PTPRN2: variants seen among roughly 807,000 people sequenced by gnomAD.
PTPRN2 encodes receptor-type tyrosine-protein phosphatase N2.
In PTPRN2, 74 loss-of-function variants were observed where a neutral mutation model predicts 118.8. That is an observed-to-expected ratio of 0.62 (90% CI 0.52 to 0.76). PTPRN2 has a LOEUF of 0.76. PTPRN2 is among the 30% of genes least tolerant of loss of function. PTPRN2 has a pLI of 0.00. For missense variants in PTPRN2, 1,481 were observed against 1,394.4 expected (o/e 1.06, Z -0.99); for synonymous variants, 641 against 608.0 (o/e 1.05, Z -0.80).
At chr7:158,048,935 C>T (rs1809102783) in intron 11 of PTPRN2, among the ~76,000 whole-genome samples, 1 of 134,670 alleles carries the variant, frequency 7.4e-6, no homozygotes, top group African/African-American at 2.8e-5. Flanking sequence ...CTATCACCAA[C>T]ACCATCATCA....
chr7:158,033,789 G>A (rs533849039), intron 11 of PTPRN2, among the ~76,000 whole-genome samples: 2 of 143,672 alleles, frequency 1.4e-5, no homozygotes, highest in African/African-American at 5.2e-5. Context: ...CAGCAATGCT[G>A]TGTGTGTGGC....
chr7:157,962,519 T>C (rs1017470458), intron 11 of PTPRN2, among the ~76,000 whole-genome samples: 1 of 152,252 alleles, frequency 6.6e-6, no homozygotes, highest in African/African-American at 2.4e-5. Context: ...GCTTAGTTTT[T>C]ACACTATTTA....
chr7:158,213,709 A>C (rs1024981632), intron 3 of PTPRN2, among the ~76,000 whole-genome samples: 1 of 152,202 alleles, frequency 6.6e-6, no homozygotes, highest in Non-Finnish European at 1.5e-5. Context: ...CTCAACTGAA[A>C]GCACATTTGC....
chr7:158,420,263 C>T (rs981717174), intron 2 of PTPRN2, among the ~76,000 whole-genome samples: 1 of 152,284 alleles, frequency 6.6e-6, no homozygotes, highest in South Asian at 2.1e-4. Context: ...AGACTGCCCA[C>T]CCGCGAAAAG....
At chr7:158,152,549 G>A (rs1305535320) in intron 6 of PTPRN2, among the ~76,000 whole-genome samples, 1 of 152,188 alleles carries the variant, frequency 6.6e-6, no homozygotes, top group African/African-American at 2.4e-5. Context: ...AAATGATATA[G>A]AAGTGTGAAG....
Position 157,550,933 on chromosome 7 carries a change from C to G in PTPRN2, c.2903-1914G>C, listed in dbSNP as rs1798568338. Among the ~76,000 whole-genome samples the G allele has an allele frequency of 6.6e-6, 1 of 152,166 alleles. No individual in the cohort carries two copies. The highest frequency in any genetic ancestry group is 2.4e-5 in the African/African-American group (1 of 41,416). On this transcript the variant is annotated intron_variant, in intron 21 of 22. Coordinates refer to ENST00000389418, the MANE Select transcript of PTPRN2 (RefSeq NM_002847.5). This position sits in a 1 kb window ranked among gnomAD's most constrained non-coding sequence, Gnocchi z 5.2. ...AAAGAAATCCATAAATTTAAAACAG[C>G]CTGACACAAACGGGTGAGTTTGTGA...
In PTPRN2 at chr7:158,438,813, C is replaced by G. The variant is rs760882317; in HGVS notation, c.163+50922G>C. ...ACCAGAGCCCCGGGACCTACCCCAC[C>G]TGTCTTTTCATGTAGGGCCTGGGAA... On this transcript the variant is annotated intron_variant, in intron 2 of 22. Coordinates refer to ENST00000389418, the MANE Select transcript of PTPRN2 (RefSeq NM_002847.5). This position sits in a 1 kb window ranked among gnomAD's most constrained non-coding sequence, Gnocchi z 4.7. Among the ~76,000 whole-genome samples the G allele has an allele frequency of 2.3e-4, 35 of 152,204 alleles. No individual in the cohort carries two copies. The highest frequency in any genetic ancestry group is 2.9e-5 in the Non-Finnish European group (2 of 68,036).
At chr7:157,551,717 AC>A (rs1798628331) in intron 21 of PTPRN2, among the ~76,000 whole-genome samples, 1 of 117,584 alleles carries the variant, frequency 8.5e-6, no homozygotes. Context: ...GCCACCACAC[AC>A]CCCACAGCCA....
intron 13 of PTPRN2, among the ~76,000 whole-genome samples, chr7:157,659,076 T>C (rs1795749371): frequency 6.6e-6 from 1 of 151,650 alleles, no homozygotes; most frequent in South Asian, 2.1e-4. Context: ...GCTTTAAAGA[T>C]GTCTGCCAAG....
At chr7:157,693,154 A>T (rs1391688802) in intron 12 of PTPRN2, among the ~76,000 whole-genome samples, 1 of 150,526 alleles carries the variant, frequency 6.6e-6, no homozygotes, top group African/African-American at 2.4e-5. Context: ...GAGAGAAGGG[A>T]CGGGGAGGGG....
intron 12 of PTPRN2, among the ~76,000 whole-genome samples, chr7:157,821,460 C>T (rs1806834622): frequency 6.6e-6 from 1 of 152,106 alleles, no homozygotes; most frequent in African/African-American, 2.4e-5. Context: ...GGGGAGGCCA[C>T]CATTGATGAG....
intron 15 of PTPRN2, among the ~76,000 whole-genome samples, chr7:157,604,712 C>G (rs1477165734): frequency 6.6e-6 from 1 of 152,190 alleles, no homozygotes; most frequent in Non-Finnish European, 1.5e-5. Flanking sequence ...GAAAAATGTA[C>G]TGGTGGAGAC....
At chr7:158,011,173 C>A (rs1468106909) in intron 11 of PTPRN2, among the ~76,000 whole-genome samples, 1 of 152,226 alleles carries the variant, frequency 6.6e-6, no homozygotes, top group Non-Finnish European at 1.5e-5. Flanking sequence ...CCACCTGGGT[C>A]TGTACGTCAT....
intron 2 of PTPRN2, among the ~76,000 whole-genome samples, chr7:158,343,712 G>A (rs1226719941): frequency 4.0e-5 from 6 of 151,322 alleles, no homozygotes; most frequent in East Asian, 3.9e-4. Flanking sequence ...AGCCATGCTC[G>A]TGGCACGTGG....
At position 157,875,043 on chromosome 7, in the gene PTPRN2, G is replaced by A. The variant is rs977302316; in HGVS notation, c.1788+23630C>T. Among the ~76,000 whole-genome samples the A allele has an allele frequency of 4.0e-5, 6 of 151,162 alleles. 1 individual carries two copies. The highest frequency in any genetic ancestry group is 1.9e-4 in the East Asian group (1 of 5,150). On this transcript the variant is annotated intron_variant, in intron 12 of 22. Coordinates refer to ENST00000389418, the MANE Select transcript of PTPRN2 (RefSeq NM_002847.5). ...CACAGACACACGCAGACACACACAC[G>A]CGCACACACAGACACACACACACAC...
chr7:158,297,253 G>C (rs116424550), intron 3 of PTPRN2, among the ~76,000 whole-genome samples: 10 of 152,372 alleles, frequency 6.6e-5, no homozygotes, highest in Admixed American at 5.9e-4. Flanking sequence ...CATTCAGAGA[G>C]AGCTGCTAAC....
chr7:158,400,133 A>G (rs940615200), intron 2 of PTPRN2, among the ~76,000 whole-genome samples: 3 of 152,190 alleles, frequency 2.0e-5, no homozygotes, highest in African/African-American at 7.2e-5. Flanking sequence ...GTGCTTTCTG[A>G]CAGTCTTTAG....
In PTPRN2 at chr7:157,597,796, C is replaced by G. The variant is rs1166707624; in HGVS notation, c.2419-2481G>C. 2.0e-5 allele frequency among the ~76,000 whole-genome samples: 3 copies of G among 152,214 alleles called. No homozygotes were observed. The East Asian group carries it at 5.8e-4, about 29-fold the overall frequency. ...CTGAGTGGGGACCGGCCTCACCTCC[C>G]TCCCGCCCACCTGCCGTCCTGTGGG... On this transcript the variant is annotated intron_variant, in intron 16 of 22. Transcript: ENST00000389418.
In PTPRN2 at chr7:157,610,764, C is replaced by T. The variant is rs976194773; in HGVS notation, c.2345-6689G>A. Among the ~76,000 whole-genome samples the T allele has an allele frequency of 6.6e-6, 1 of 152,242 alleles. No homozygotes were observed. Among genetic ancestry groups the T allele is most frequent in the African/African-American group, 2.4e-5 (1 of 41,464 alleles). ...TTGAAGACCAGCAACAGCGTGATGA[C>T]AGAACGCATTCTGAAGGGGCAGGTC... On this transcript the variant is annotated intron_variant, in intron 15 of 22. Transcript: ENST00000389418. This position sits in a 1 kb window ranked among gnomAD's most constrained non-coding sequence, Gnocchi z 5.1.
Sources: gnomAD v4.1 joint callset for allele counts (sites outside exome capture counted in the v4.1 genomes callset) on GRCh38, gnomAD v4.1.1 for gene constraint, Gnocchi (gnomAD v3.1) non-coding constraint, MANE v1.5 for transcripts, NCBI Gene and HGNC (gene_info 2026-07-23, HGNC 2026-07-21) for gene names.